Variants in ENTREP1 observed in about 807,000 individuals in gnomAD.
ENTREP1 encodes the protein endosomal transmembrane epsin interactor 1.
the ENTREP1 span, among the ~76,000 whole-genome samples, chr9:69,344,259 C>A: frequency 6.6e-6 from 1 of 152,092 alleles, no homozygotes; most frequent in Admixed American, 6.6e-5. Flanking sequence ...ACGGTCCTAT[C>A]TGTGTGTGTG....
At chr9:69,382,343 TG>T in the ENTREP1 span, 1 of 152,184 alleles carries the variant, frequency 6.6e-6, no homozygotes, top group Non-Finnish European at 1.5e-5. Flanking sequence ...CAAGTCCTGC[TG>T]TAAGGGGGAG....
At chr9:69,358,897 TCTTTC>T in the ENTREP1 span, among the ~76,000 whole-genome samples, 1 of 134,520 alleles carries the variant, frequency 7.4e-6, no homozygotes, top group Non-Finnish European at 1.5e-5. Flanking sequence ...TTTTTCTTTT[TCTTTC>T]TTTTTTTTTT....
the ENTREP1 span, among the ~76,000 whole-genome samples, chr9:69,330,198 G>C: frequency 0.75 from 113,512 of 152,032 alleles, 42,545 homozygotes; most frequent in South Asian, 0.8. Context: ...AGATTCCACT[G>C]GGGTATGGGA....
the ENTREP1 span, chr9:69,381,749 A>G: frequency 6.6e-6 from 1 of 152,210 alleles, no homozygotes; most frequent in East Asian, 1.9e-4. Flanking sequence ...AAAATAAGAA[A>G]TTGCTTAATA....
the ENTREP1 span, among the ~76,000 whole-genome samples, chr9:69,360,668 T>C: frequency 6.6e-6 from 1 of 152,152 alleles, no homozygotes; most frequent in Non-Finnish European, 1.5e-5. Context: ...TGACTTGCTC[T>C]ATCTGGACTG....
chr9:69,388,003 T>A, the ENTREP1 span: 1 of 1,553,464 alleles, frequency 6.4e-7, no homozygotes, highest in Non-Finnish European at 8.7e-7. Context: ...TGTGTTGTTT[T>A]CCCTCCTTCT....
chr9:69,325,953 T>A, the ENTREP1 span, among the ~76,000 whole-genome samples: 1 of 117,014 alleles, frequency 8.5e-6, no homozygotes. Context: ...AATTTTATTT[T>A]CCCTGTCAAG....
the ENTREP1 span, chr9:69,377,467 G>A: frequency 6.2e-7 from 1 of 1,613,638 alleles, no homozygotes; most frequent in Non-Finnish European, 8.5e-7. Context: ...GCAACCAGGA[G>A]ATCCTGCATC....
At chr9:69,342,831 C>T in the ENTREP1 span, among the ~76,000 whole-genome samples, 2 of 152,234 alleles carry the variant, frequency 1.3e-5, no homozygotes, top group African/African-American at 4.8e-5. Flanking sequence ...GTTCAGGCTT[C>T]TCTGTGATCA....
At chr9:69,333,383 C>T in the ENTREP1 span, among the ~76,000 whole-genome samples, 7 of 151,902 alleles carry the variant, frequency 4.6e-5, no homozygotes, top group African/African-American at 1.7e-4. Flanking sequence ...TGGCTCACTG[C>T]ACCCTCTACC....
chr9:69,347,325 A>G, the ENTREP1 span, among the ~76,000 whole-genome samples: 1 of 152,140 alleles, frequency 6.6e-6, no homozygotes, highest in Admixed American at 6.5e-5. Flanking sequence ...TCCCCTGTAA[A>G]CACTTGCCAA....
At chr9:69,331,383 C>T in the ENTREP1 span, among the ~76,000 whole-genome samples, 23 of 152,198 alleles carry the variant, frequency 1.5e-4, no homozygotes, top group South Asian at 8.3e-4. Context: ...GCACATTAAC[C>T]ATTTATGGTG....
the ENTREP1 span, among the ~76,000 whole-genome samples, chr9:69,357,381 G>A: frequency 1.3e-5 from 2 of 152,158 alleles, no homozygotes; most frequent in Non-Finnish European, 2.9e-5. Context: ...GAATGAGAAA[G>A]CAATGGTTAT....
chr9:69,357,949 A>G, the ENTREP1 span, among the ~76,000 whole-genome samples: 47 of 152,212 alleles, frequency 3.1e-4, 1 homozygote, highest in Non-Finnish European at 6.3e-4. Flanking sequence ...TAAGAGTTAA[A>G]TAAGTGGTTA....
At chr9:69,356,551 G>A in the ENTREP1 span, among the ~76,000 whole-genome samples, 1 of 152,142 alleles carries the variant, frequency 6.6e-6, no homozygotes, top group African/African-American at 2.4e-5. Flanking sequence ...CAAAGAAGGG[G>A]CCAGAAGTAG....
At chr9:69,345,565 T>TA in the ENTREP1 span, among the ~76,000 whole-genome samples, 4 of 152,176 alleles carry the variant, frequency 2.6e-5, no homozygotes, top group African/African-American at 4.8e-5. Context: ...TATTTTTTAT[T>TA]AAAAAAATGG....
chr9:69,335,616 A>G, the ENTREP1 span, among the ~76,000 whole-genome samples: 8 of 152,106 alleles, frequency 5.3e-5, no homozygotes, highest in Non-Finnish European at 1.5e-5. Context: ...TCCCATTTCG[A>G]AGACTTTACC....
At chr9:69,385,366 G>A in the ENTREP1 span, among the ~76,000 whole-genome samples, 5 of 152,148 alleles carry the variant, frequency 3.3e-5, no homozygotes, top group Non-Finnish European at 7.3e-5. Context: ...CCTTCCGGGA[G>A]TTCTGCAGCC....
chr9:69,379,816 T>C, the ENTREP1 span: 1 of 152,236 alleles, frequency 6.6e-6, no homozygotes, highest in Non-Finnish European at 1.5e-5. Flanking sequence ...GTGACTCATG[T>C]GGGTTTAGGA....
Sources: allele counts gnomAD v4.1 joint callset (sites outside exome capture counted in the v4.1 genomes callset), GRCh38; gene constraint gnomAD v4.1.1; transcripts MANE v1.5; gene names NCBI Gene and HGNC (gene_info 2026-07-23, HGNC 2026-07-21).